ARL15: variants seen among roughly 807,000 people sequenced by gnomAD.
The protein encoded by ARL15 is ADP-ribosylation factor-like protein 15.
A neutral mutation model predicts 25.2 loss-of-function variants in ARL15; 19 were observed. That is an observed-to-expected ratio of 0.75 (90% confidence interval 0.53 to 1.10). ARL15 has a LOEUF of 1.10. Ranked by LOEUF, ARL15 falls within the 50% of genes least tolerant of loss-of-function variation. The pLI is 0.00. For missense variants in ARL15, 220 were observed against 246.0 expected (o/e 0.89, Z 0.71); for synonymous variants, 94 against 86.8 (o/e 1.08, Z -0.46).
chr5:54,230,692 T>C (rs1756647728), intron 1 of ARL15, among the ~76,000 whole-genome samples: 1 of 152,156 alleles, frequency 6.6e-6, no homozygotes, highest in African/African-American at 2.4e-5. Context: ...AATCCTGTCC[T>C]CTCCCTCTGT....
At chr5:54,064,220 CGAGTATTCTAATGTGAT>C (rs1199944385) in intron 4 of ARL15, among the ~76,000 whole-genome samples, 5 of 152,032 alleles carry the variant, frequency 3.3e-5, no homozygotes, top group African/African-American at 1.2e-4. Flanking sequence ...AAAAGAGTCA[CGAGTATTCTAATGTGAT>C]ACCGAAATAC....
intron 3 of ARL15, among the ~76,000 whole-genome samples, chr5:54,149,704 A>G (rs1389266626): frequency 6.6e-6 from 1 of 152,216 alleles, no homozygotes; most frequent in Non-Finnish European, 1.5e-5. Context: ...CTGAGCTTTG[A>G]AACAAGTCAC....
intron 3 of ARL15, among the ~76,000 whole-genome samples, chr5:54,121,334 T>C (rs867405420): frequency 5.3e-4 from 81 of 152,222 alleles, no homozygotes; most frequent in Admixed American, 3.6e-3. Flanking sequence ...GAGAGTTCCA[T>C]TTCTCCACCT....
At chr5:54,073,008 T>G (rs1174427413) in intron 4 of ARL15, among the ~76,000 whole-genome samples, 1 of 152,182 alleles carries the variant, frequency 6.6e-6, no homozygotes, top group East Asian at 1.9e-4. Context: ...GTCACTCAGG[T>G]TTAAAGCCAA....
intron 1 of ARL15, among the ~76,000 whole-genome samples, chr5:54,187,901 C>T (rs981813795): frequency 5.3e-5 from 8 of 152,116 alleles, no homozygotes; most frequent in Non-Finnish European, 1.5e-5. Context: ...CACAAAAACT[C>T]CATGGGACAG....
In ARL15 at chr5:54,310,535, T is replaced by C. The variant is rs1211419250; in HGVS notation, c.-56A>G. ...GAACCCGGAAAAAAAAAGCAGCGTCTCTGGCTGCGAGCGAGCAGCTCCTGA... is the reference window on the plus strand; with the variant it reads ...GAACCCGGAAAAAAAAAGCAGCGTCCCTGGCTGCGAGCGAGCAGCTCCTGA... On this transcript the variant is annotated 5_prime_UTR_variant, in exon 1 of 5. Transcript: ENST00000504924. 4.4e-5 allele frequency: 69 copies of C among 1,550,950 alleles called. No homozygotes were observed. Among genetic ancestry groups the C allele is most frequent in the Non-Finnish European group, 5.8e-5 (66 of 1,146,310 alleles).
intron 4 of ARL15, among the ~76,000 whole-genome samples, chr5:53,935,317 A>T (rs1158966063): frequency 6.6e-6 from 1 of 152,196 alleles, no homozygotes. Flanking sequence ...CAACAAGCAG[A>T]TACATGTTTG....
intron 4 of ARL15, among the ~76,000 whole-genome samples, chr5:53,928,043 T>A (rs1746087589): frequency 6.6e-6 from 1 of 152,228 alleles, no homozygotes. Flanking sequence ...TAGGAGGCAC[T>A]GCATAAATGT....
chr5:54,103,632 T>A (rs1752507466), intron 4 of ARL15, among the ~76,000 whole-genome samples: 8 of 152,158 alleles, frequency 5.3e-5, no homozygotes, highest in Admixed American at 5.2e-4. Flanking sequence ...GAGTGGCCAC[T>A]TCTAAGTTGC....
intron 1 of ARL15, among the ~76,000 whole-genome samples, chr5:54,230,867 A>G (rs1756652734): frequency 6.6e-6 from 1 of 152,222 alleles, no homozygotes. Flanking sequence ...ATTTTTGAGT[A>G]TATAACAGCT....
rs544571419 is a variant in ARL15, at chr5:53,974,971, T to C, written c.463-88258A>G. ...AACAGTATAAAAAGTCTTCTGGTTA[T>C]GTGTACCTCAGGGAGATGTAAACAA... On this transcript the variant is annotated intron_variant, in intron 4 of 4. Coordinates refer to ENST00000504924, the MANE Select transcript of ARL15 (RefSeq NM_019087.3). 3.5e-4 allele frequency among the ~76,000 whole-genome samples: 54 copies of C among 152,268 alleles called. 1 individual carries two copies. Among genetic ancestry groups the C allele is most frequent in the African/African-American group, 1.2e-3 (51 of 41,564 alleles).
At chr5:54,214,139 A>G (rs949670725) in intron 1 of ARL15, among the ~76,000 whole-genome samples, 4 of 152,194 alleles carry the variant, frequency 2.6e-5, no homozygotes, top group African/African-American at 9.6e-5. Context: ...GGGGCTTGAT[A>G]GAAGGACCAC....
chr5:53,900,013 G>C (rs1172437940), intron 4 of ARL15, among the ~76,000 whole-genome samples: 1 of 152,158 alleles, frequency 6.6e-6, no homozygotes, highest in Non-Finnish European at 1.5e-5. Context: ...AATTAACTCA[G>C]CAATCCCTTC....
rs986298668 is a variant in ARL15, at chr5:54,010,945, A to G, written c.462+102257T>C. Among the ~76,000 whole-genome samples the G allele has an allele frequency of 2.0e-5, 3 of 150,156 alleles. No individual in the cohort carries two copies. In the Admixed American group the frequency reaches 2.0e-4, roughly 10 times the overall value. ...AACCCGGGAGGCGGAGCTTGCAGTG[A>G]GCTGAGATCGCGCCACTGCACTCCA... is the stretch of plus-strand genomic sequence containing the variant. On this transcript the variant is annotated intron_variant, in intron 4 of 4. Coordinates refer to ENST00000504924, the MANE Select transcript of ARL15 (RefSeq NM_019087.3).
chr5:54,027,172 T>A (rs1749808041), intron 4 of ARL15, among the ~76,000 whole-genome samples: 1 of 152,198 alleles, frequency 6.6e-6, no homozygotes, highest in South Asian at 2.1e-4. Flanking sequence ...CAGGTGAAAC[T>A]GGGAAAAGAA....
At chr5:54,030,273 G>A (rs1007970292) in intron 4 of ARL15, among the ~76,000 whole-genome samples, 1 of 151,976 alleles carries the variant, frequency 6.6e-6, no homozygotes, top group Non-Finnish European at 1.5e-5. Context: ...GACACATAAG[G>A]GCTTCAACAC....
chr5:54,275,834 G>A (rs910591950), intron 1 of ARL15, among the ~76,000 whole-genome samples: 5 of 148,744 alleles, frequency 3.4e-5, no homozygotes, highest in South Asian at 4.3e-4. Flanking sequence ...ACAGGCACCC[G>A]CCACCACGCC....
chr5:54,230,346 G>GAAAAAAAAAAAAAGAAAAAAGAAAAGAAA (rs1756633276), intron 1 of ARL15, among the ~76,000 whole-genome samples: 1 of 91,854 alleles, frequency 1.1e-5, no homozygotes, highest in Non-Finnish European at 2.1e-5. Context: ...TTCCATCTCA[G>GAAAAAAAAAAAAAGAAAAAAGAAAAGAAA]AAAAAAAAAA....
chr5:54,277,802 A>G (rs10940371), intron 1 of ARL15, among the ~76,000 whole-genome samples: 85,477 of 152,122 alleles, frequency 0.56, 25,664 homozygotes, highest in Non-Finnish European at 0.68. Context: ...AGAAGAATTT[A>G]AAGAGTTTTT....
Sources: allele counts gnomAD v4.1 joint callset (sites outside exome capture counted in the v4.1 genomes callset), GRCh38; gene constraint gnomAD v4.1.1; transcripts MANE v1.5; gene names NCBI Gene and HGNC (gene_info 2026-07-23, HGNC 2026-07-21).